The following GTPBP4 variants were observed in gnomAD, a reference collection of about 807,000 sequenced individuals.
GTPBP4 encodes the protein GTP-binding protein 4.
GTPBP4 carries 15 observed loss-of-function variants against 81.7 expected under a neutral mutation model. The observed-to-expected ratio is 0.18, with a 90% confidence interval of 0.12 to 0.28. The LOEUF (loss-of-function observed/expected upper bound fraction) is 0.28. Among genes scored for constraint, GTPBP4 ranks in the 10% least tolerant of loss-of-function variants. The pLI is 1.00. For missense variants in GTPBP4, 847 were observed against 793.8 expected (o/e 1.07, Z -0.81); for synonymous variants, 272 against 274.6 (o/e 0.99, Z 0.09).
At chr10:993,906 C>T (rs916984592) in intron 2 of GTPBP4, among the ~76,000 whole-genome samples, 2 of 149,358 alleles carry the variant, frequency 1.3e-5, no homozygotes, top group African/African-American at 2.5e-5. Flanking sequence ...ATTACAGGTG[C>T]CCGCCACCAC....
chr10:1,018,338 T>G lies in GTPBP4; in HGVS notation c.*1111T>G, dbSNP rs1269839846. ...TGCTCGGGAGGCTAAGGCAGGAGAA[T>G]TGCTTGAGCCCAGAGGCGGAGGTTG... On this transcript the variant is annotated 3_prime_UTR_variant, in exon 17 of 17. Coordinates refer to ENST00000360803, the MANE Select transcript of GTPBP4 (RefSeq NM_012341.3). 1.3e-5 allele frequency: 2 copies of G among 151,862 alleles called. No homozygotes were observed. Among genetic ancestry groups the G allele is most frequent in the East Asian group, 3.9e-4 (2 of 5,152 alleles). 9.4% of individuals were successfully genotyped at this position (151,862 alleles called of 1,614,324 possible). A position where few individuals can be genotyped will look rare whatever the true frequency, so the allele number is the denominator to read the frequency against.
Position 989,588 on chromosome 10 carries a change from T to A in GTPBP4, c.48+1061T>A, listed in dbSNP as rs191632543. Among the ~76,000 whole-genome samples the A allele has an allele frequency of 4.6e-5, 7 of 152,280 alleles. No individual in the cohort carries two copies. The East Asian group carries it at 1.2e-3, about 25-fold the overall frequency. ...TCCCCTCGTCAGTGCCTCCTTTTCT[T>A]CAGGTCTCAAGGACGGGATGAGCTT... On this transcript the variant is annotated intron_variant, in intron 1 of 16. Transcript: ENST00000360803.
chr10:1,015,382 C>A, intron 15 of GTPBP4, among the ~76,000 whole-genome samples: 1 of 136,402 alleles, frequency 7.3e-6, no homozygotes, highest in Non-Finnish European at 1.6e-5. Context: ...GTCCTGAGCT[C>A]TGAGCCTGGG....
In GTPBP4 at chr10:1,019,588, G is replaced by C; in HGVS notation, c.*2361G>C. ...TCCAGGTGAGGCCACCACCGGTACA[G>C]AAACCTCTCGGCAATGGTTCTTAGC... On this transcript the variant is annotated 3_prime_UTR_variant, in exon 17 of 17. Transcript: ENST00000360803. The C allele has an allele frequency of 6.2e-7, 1 of 1,614,058 alleles. No homozygotes were observed. The highest frequency in any genetic ancestry group is 8.5e-7 in the Non-Finnish European group (1 of 1,180,002).
rs1296155767 is a variant in GTPBP4, at chr10:988,460, G to A, written c.-20G>A. The A allele has an allele frequency of 8.1e-6, 13 of 1,610,696 alleles. No individual in the cohort carries two copies. The highest frequency in any genetic ancestry group is 1.7e-5 in the Admixed American group (1 of 59,930). On this transcript the variant is annotated 5_prime_UTR_variant, in exon 1 of 17. Coordinates refer to ENST00000360803, the MANE Select transcript of GTPBP4 (RefSeq NM_012341.3). ...GAAGTTCCGGGAGTGCCAAGTACCC[G>A]CGTGCATACGGCTGCCGGCATGGCA...
intron 6 of GTPBP4, 115 bp from the exon 7 acceptor site, chr10:1,000,562 A>G (rs950499001): frequency 4.0e-5 from 20 of 496,058 alleles, no homozygotes; most frequent in Non-Finnish European, 6.3e-5. Context: ...TTTAACTACA[A>G]TTCTGCTGTA....
At chr10:997,804 G>C (rs1014839917) in intron 5 of GTPBP4, among the ~76,000 whole-genome samples, 1 of 152,188 alleles carries the variant, frequency 6.6e-6, no homozygotes, top group Non-Finnish European at 1.5e-5. Flanking sequence ...CTTGGTTGCT[G>C]TGTCAGCTTT....
In GTPBP4 at chr10:1,015,851, T is replaced by C. The variant is rs570626417; in HGVS notation, c.1707T>C (p.Ser569=). 1.2e-6 allele frequency: 2 copies of C among 1,613,418 alleles called. No individual in the cohort carries two copies. The highest frequency in any genetic ancestry group is 1.7e-5 in the Admixed American group (1 of 59,962). The stretch of plus-strand genomic sequence containing the variant: ...CGTCCTCTGTGGCCCGGAGTGGGAG[T>C]TGCTCTCGAACTCCACGTGACGTTT... ...APPSSVARSG[S]CSRTPRDVSG... The change falls in exon 16 of 17, where the codon AGT becomes AGC. Residue 569 remains serine, a synonymous_variant. Coordinates refer to ENST00000360803, the MANE Select transcript of GTPBP4 (RefSeq NM_012341.3).
intron 5 of GTPBP4, among the ~76,000 whole-genome samples, chr10:997,922 G>T (rs565836859): frequency 6.6e-6 from 1 of 152,138 alleles, no homozygotes; most frequent in East Asian, 1.9e-4. Context: ...TCGGTCATTT[G>T]TTGCTTCAGG....
In GTPBP4 at chr10:1,015,611, CGCTG is replaced by C. The variant is rs1831971641; in HGVS notation, c.1609-141_1609-138del. ...CTGGGAGCGGGGCTGGGGTCCTGAGCGCTGAGCCTGGGAGTGGACCTGGGGTCCT... is the reference window on the plus strand; with the variant it reads ...CTGGGAGCGGGGCTGGGGTCCTGAGCAGCCTGGGAGTGGACCTGGGGTCCT... On this transcript the variant is annotated intron_variant, in intron 15 of 16. Coordinates refer to ENST00000360803, the MANE Select transcript of GTPBP4 (RefSeq NM_012341.3). 4.7e-6 allele frequency: 2 copies of C among 423,464 alleles called. 1 individual carries two copies. Among genetic ancestry groups the C allele is most frequent in the African/African-American group, 5.7e-5 (2 of 34,906 alleles). 26.2% of individuals were successfully genotyped at this position (423,464 alleles called of 1,614,324 possible).
rs542373657 is a variant in GTPBP4, at chr10:988,515, G to T, written c.36G>T (p.Val12=). The T allele has an allele frequency of 7.0e-5, 113 of 1,612,648 alleles. 1 individual carries two copies. The South Asian group carries it at 1.2e-3, about 16-fold the overall frequency. ...ACAACTTCAAGAAAATTACGGTGGT[G>T]CCGTCCGCCAAGGTAGGCGGCCCCG... ...AHYNFKKITV[V]PSAKDFIDLT... The change falls in exon 1 of 17, where the codon GTG becomes GTT. Residue 12 remains valine, a synonymous_variant. Transcript: ENST00000360803.
Position 1,011,354 on chromosome 10 carries a change from C to T in GTPBP4, c.1344+834C>T, listed in dbSNP as rs184247424. 8.5e-5 allele frequency among the ~76,000 whole-genome samples: 13 copies of T among 152,240 alleles called. No individual in the cohort carries two copies. In the East Asian group the frequency reaches 2.1e-3, roughly 25 times the overall value. ...AAGTTTTACTCATCTTTTTAAAAAA[C>T]GAAAACATCCTTAGACCGTGTCCTC... On this transcript the variant is annotated intron_variant, in intron 13 of 16. Coordinates refer to ENST00000360803, the MANE Select transcript of GTPBP4 (RefSeq NM_012341.3).
At chr10:999,227 T>G (rs926986778) in intron 6 of GTPBP4, 132 bp downstream of exon 6, 2 of 630,244 alleles carry the variant, frequency 3.2e-6, no homozygotes, top group African/African-American at 3.6e-5. Flanking sequence ...CAAGTGATTC[T>G]CCTGCCTCAG....
chr10:997,467 C>T (rs534609513), intron 5 of GTPBP4, among the ~76,000 whole-genome samples, 159 bp downstream of exon 5: 2 of 152,332 alleles, frequency 1.3e-5, no homozygotes, highest in African/African-American at 2.4e-5. Context: ...TTTCGGCCTC[C>T]GAGTTGGTCC....
At chr10:1,008,252 A>G (rs1831784032) in intron 10 of GTPBP4, 1 of 413,298 alleles carries the variant, frequency 2.4e-6, no homozygotes, top group African/African-American at 2.1e-5. Flanking sequence ...ATCTCTGCTA[A>G]AACTACGAAA....
Position 1,019,192 on chromosome 10 carries a change from C to T in GTPBP4, c.*1965C>T, listed in dbSNP as rs2127607. 1 allele frequency: 235,378 copies of T among 236,330 alleles called. 117,220 individuals are homozygous for T. The highest frequency in any genetic ancestry group is 1 in the Non-Finnish European group (120,469 of 120,484). 14.6% of individuals were successfully genotyped at this position (236,330 alleles called of 1,614,324 possible). On this transcript the variant is annotated 3_prime_UTR_variant, in exon 17 of 17. Transcript: ENST00000360803. ...GCCTCATGGTCCAGCCAGGCTAGTCCGCCTGCTTCAGGACTCTCAAGATCT... is the reference window on the plus strand; with the variant it reads ...GCCTCATGGTCCAGCCAGGCTAGTCTGCCTGCTTCAGGACTCTCAAGATCT...
chr10:989,205 C>T (rs1161517035), intron 1 of GTPBP4, among the ~76,000 whole-genome samples: 1 of 151,198 alleles, frequency 6.6e-6, no homozygotes, highest in Non-Finnish European at 1.5e-5. Flanking sequence ...ACCTCCACCT[C>T]CCGCGTTCAA....
chr10:995,176 A>G (rs1417793090), intron 2 of GTPBP4, among the ~76,000 whole-genome samples: 2 of 152,192 alleles, frequency 1.3e-5, no homozygotes, highest in African/African-American at 2.4e-5. Context: ...CGACATTTAA[A>G]TCTATCTGAG....
intron 8 of GTPBP4, among the ~76,000 whole-genome samples, chr10:1,002,931 T>C (rs1051849517): frequency 6.6e-6 from 1 of 152,238 alleles, no homozygotes; most frequent in Non-Finnish European, 1.5e-5. Context: ...TTCTTGAACT[T>C]CCTGGTTTTA....
Sources: allele counts gnomAD v4.1 joint callset (sites outside exome capture counted in the v4.1 genomes callset), GRCh38; gene constraint gnomAD v4.1.1; transcripts MANE v1.5; gene names NCBI Gene and HGNC (gene_info 2026-07-23, HGNC 2026-07-21).